Variants in CNTN5 observed in about 807,000 individuals in gnomAD.
The protein encoded by CNTN5 is contactin-5.
In CNTN5, 77 loss-of-function variants were observed where a neutral mutation model predicts 129.1. That is an observed-to-expected ratio of 0.60 (90% CI 0.50 to 0.72). The LOEUF (loss-of-function observed/expected upper bound fraction) is 0.72, where lower values mean the gene tolerates loss of function less well. CNTN5 is among the 30% of genes least tolerant of loss of function. The pLI, the probability that CNTN5 is intolerant of heterozygous loss-of-function variation, is 0.00. For synonymous variants in CNTN5, 509 were observed against 465.6 expected (o/e 1.09, Z -1.20); for missense variants, 1,478 against 1,328.8 (o/e 1.11, Z -1.75).
At chr11:100,216,918 G>A (rs1279041769) in intron 15 of CNTN5, among the ~76,000 whole-genome samples, 3 of 152,100 alleles carry the variant, frequency 2.0e-5, no homozygotes, top group Admixed American at 6.5e-5. Flanking sequence ...GAGAATAGAA[G>A]GAATACCTGA....
chr11:99,854,817 C>G (rs10736571), intron 6 of CNTN5, among the ~76,000 whole-genome samples: 147,359 of 152,218 alleles, frequency 0.97, 71,443 homozygotes, highest in Non-Finnish European at 1. Context: ...TCACCAACGA[C>G]AATTTGTGCT....
At chr11:100,184,361 G>A (rs1948231817) in intron 13 of CNTN5, among the ~76,000 whole-genome samples, 1 of 152,098 alleles carries the variant, frequency 6.6e-6, no homozygotes, top group African/African-American at 2.4e-5. Flanking sequence ...GCCCTATCCT[G>A]CTTTAAAACA....
At chr11:100,114,588 G>A (rs945089188) in intron 13 of CNTN5, among the ~76,000 whole-genome samples, 5 of 152,106 alleles carry the variant, frequency 3.3e-5, no homozygotes, top group African/African-American at 7.2e-5. Flanking sequence ...AGTGTAGTGT[G>A]TTAAAAGTTC....
intron 8 of CNTN5, among the ~76,000 whole-genome samples, chr11:99,967,102 G>C (rs1951115303): frequency 6.6e-6 from 1 of 152,124 alleles, no homozygotes. Flanking sequence ...TAAATAAAGA[G>C]AGGATATTTG....
intron 1 of CNTN5, among the ~76,000 whole-genome samples, chr11:99,257,969 C>A (rs1180037843): frequency 6.6e-6 from 1 of 152,016 alleles, no homozygotes; most frequent in Admixed American, 6.6e-5. Context: ...AAAGGTCCCA[C>A]AGGGATAGAA....
intron 7 of CNTN5, among the ~76,000 whole-genome samples, chr11:99,950,790 T>A: frequency 6.6e-6 from 1 of 152,342 alleles, no homozygotes; most frequent in African/African-American, 2.4e-5. Context: ...TAGACATTAT[T>A]GTCCCATTTT....
intron 2 of CNTN5, among the ~76,000 whole-genome samples, chr11:99,399,164 A>AC (rs1254654895): frequency 6.6e-6 from 1 of 151,392 alleles, no homozygotes; most frequent in African/African-American, 2.4e-5. Flanking sequence ...GAATAAAAAA[A>AC]ACTAAAATAT....
chr11:99,044,838 G>A (rs569984796), intron 1 of CNTN5, among the ~76,000 whole-genome samples: 6 of 152,104 alleles, frequency 3.9e-5, no homozygotes, highest in African/African-American at 1.2e-4. Context: ...AATTTTACAC[G>A]GTCTCTCTAC....
At chr11:99,719,744 T>A (rs914141200) in intron 3 of CNTN5, among the ~76,000 whole-genome samples, 1 of 151,842 alleles carries the variant, frequency 6.6e-6, no homozygotes, top group African/African-American at 2.4e-5. Flanking sequence ...ATCAACAAAT[T>A]CGTGAGTTGT....
intron 1 of CNTN5, among the ~76,000 whole-genome samples, chr11:99,235,392 G>T (rs1400543553): frequency 6.6e-6 from 1 of 151,946 alleles, no homozygotes; most frequent in African/African-American, 2.4e-5. Context: ...AAATTTAAAT[G>T]CAATTCATCT....
chr11:99,374,437 G>A (rs775769894), intron 2 of CNTN5, among the ~76,000 whole-genome samples: 8 of 152,036 alleles, frequency 5.3e-5, no homozygotes, highest in Non-Finnish European at 7.4e-5. Context: ...AAAAATGTAA[G>A]ATTTGGGAGG....
intron 15 of CNTN5, among the ~76,000 whole-genome samples, chr11:100,207,937 T>C (rs979482085): frequency 6.6e-6 from 1 of 152,226 alleles, no homozygotes; most frequent in African/African-American, 2.4e-5. Context: ...TTTTTGTTGC[T>C]AACTTTTTTT....
chr11:99,056,499 G>A (rs147831251), intron 1 of CNTN5, among the ~76,000 whole-genome samples: 61 of 152,128 alleles, frequency 4.0e-4, no homozygotes, highest in African/African-American at 1.5e-3. Context: ...CAGTAAAGAT[G>A]CTGGATACTG....
chr11:99,826,803 G>T (rs1227917880), intron 4 of CNTN5, among the ~76,000 whole-genome samples: 4 of 152,144 alleles, frequency 2.6e-5, no homozygotes, highest in Non-Finnish European at 5.9e-5. Flanking sequence ...CCATTAATCA[G>T]TGGAATCTTT....
At position 99,655,371 on chromosome 11, in the gene CNTN5, G is replaced by T. The variant is rs1952316500; in HGVS notation, c.55+99102G>T. On this transcript the variant is annotated intron_variant, in intron 3 of 24. Transcript: ENST00000524871. The stretch of plus-strand genomic sequence containing the variant: ...AATACTAAGTTATGATTATATTTCT[G>T]TCCAGAACTTGGCAAACGATTCTTG... Among the ~76,000 whole-genome samples the T allele has an allele frequency of 2.0e-5, 3 of 152,106 alleles. 1 individual carries two copies. Among genetic ancestry groups the T allele is most frequent in the Non-Finnish European group, 4.4e-5 (3 of 68,008 alleles).
At chr11:100,075,261 G>T (rs746469316) in intron 13 of CNTN5, among the ~76,000 whole-genome samples, 1 of 152,016 alleles carries the variant, frequency 6.6e-6, no homozygotes, top group Non-Finnish European at 1.5e-5. Flanking sequence ...GTCTATTTCA[G>T]ATTAAACAAT....
intron 2 of CNTN5, among the ~76,000 whole-genome samples, chr11:99,524,146 A>G (rs138900137): frequency 6.6e-6 from 1 of 152,318 alleles, no homozygotes; most frequent in East Asian, 1.9e-4. Flanking sequence ...ATGGCTCAAC[A>G]TGCCATAGCA....
intron 3 of CNTN5, among the ~76,000 whole-genome samples, chr11:99,626,036 G>A (rs1421407495): frequency 6.6e-6 from 1 of 151,926 alleles, no homozygotes; most frequent in Admixed American, 6.6e-5. Context: ...AGCAGAAAGA[G>A]GCCAACTTCA....
intron 2 of CNTN5, among the ~76,000 whole-genome samples, chr11:99,434,536 A>T (rs1943525923): frequency 6.6e-6 from 1 of 152,144 alleles, no homozygotes; most frequent in Admixed American, 6.6e-5. Context: ...AGAAGTCTTT[A>T]CCATAATCCA....
Sources: gnomAD v4.1 joint callset for allele counts (sites outside exome capture counted in the v4.1 genomes callset) on GRCh38, gnomAD v4.1.1 for gene constraint, MANE v1.5 for transcripts, NCBI Gene and HGNC (gene_info 2026-07-23, HGNC 2026-07-21) for gene names.